The following TTLL1 variants were observed in gnomAD, a reference collection of about 807,000 sequenced individuals.
TTLL1 encodes the protein polyglutamylase complex subunit TTLL1.
In TTLL1, 33 loss-of-function variants were observed where a neutral mutation model predicts 47.8. The ratio of observed to expected loss-of-function variants is 0.69; its 90% CI spans 0.52 to 0.92. TTLL1 has a LOEUF of 0.92. Ranked by LOEUF, TTLL1 falls within the 40% of genes least tolerant of loss-of-function variation. The pLI is 0.00. For synonymous variants in TTLL1, 225 were observed against 214.1 expected (o/e 1.05, Z -0.45); for missense variants, 488 against 547.5 (o/e 0.89, Z 1.08).
chr22:43,066,183 A>G (rs1281725949), intron 5 of TTLL1, among the ~76,000 whole-genome samples: 1 of 151,766 alleles, frequency 6.6e-6, no homozygotes, highest in East Asian at 1.9e-4. Flanking sequence ...TTAAAAAAAA[A>G]ATCAAGCTAC....
At chr22:43,048,461 C>A (rs1213200365) in intron 9 of TTLL1, among the ~76,000 whole-genome samples, 6 of 133,614 alleles carry the variant, frequency 4.5e-5, no homozygotes, top group African/African-American at 1.7e-4. Flanking sequence ...ACAGCGAGAC[C>A]CCATCTCTAC....
At chr22:43,084,341 G>T (rs1228549913) in intron 1 of TTLL1, among the ~76,000 whole-genome samples, 1 of 151,758 alleles carries the variant, frequency 6.6e-6, no homozygotes, top group African/African-American at 2.4e-5. Flanking sequence ...GTAGAGGTGG[G>T]GTTTCACCAT....
intron 10 of TTLL1, chr22:43,040,150 GTTA>G: frequency 2.2e-6 from 1 of 461,986 alleles, no homozygotes; most frequent in Non-Finnish European, 3.9e-6. Context: ...CAACCTTGTT[GTTA>G]TTGTGGACAG....
chr22:43,064,089 G>A lies in TTLL1; in HGVS notation c.638+101C>T, dbSNP rs539082185. ...CAATCCCTGCCCCGTGCCAGGCACC[G>A]CACATGCACTGTTTTATGAAACCTC... On this transcript the variant is annotated intron_variant, in intron 6 of 10. Coordinates refer to ENST00000266254, the MANE Select transcript of TTLL1 (RefSeq NM_012263.5). 1.1e-4 allele frequency: 162 copies of A among 1,541,154 alleles called. No individual in the cohort carries two copies. The African/African-American group carries it at 2.1e-3, about 20-fold the overall frequency.
rs556385950 is a variant in TTLL1, at chr22:43,064,177, T to C, written c.638+13A>G. On this transcript the variant is annotated intron_variant, in intron 6 of 10. Transcript: ENST00000266254. Reference sequence around the variant, plus strand: ...CACAATCAAGAGGGAACCAAAACCTTAGGGACGCTTACATGTAACAGCGCA... The same window carrying C: ...CACAATCAAGAGGGAACCAAAACCTCAGGGACGCTTACATGTAACAGCGCA... 6 of 1,604,862 alleles carry C rather than the reference T, an allele frequency of 3.7e-6. No individual in the cohort carries two copies. Among genetic ancestry groups the C allele is most frequent in the East Asian group, 2.2e-5 (1 of 44,820 alleles).
chr22:43,051,925 TCGAAGGG>T, intron 8 of TTLL1, 38 bp from the exon 9 acceptor site: 1 of 1,601,988 alleles, frequency 6.2e-7, no homozygotes, highest in Non-Finnish European at 8.6e-7. Flanking sequence ...ATGGCCAGCA[TCGAAGGG>T]CGCAGCCGAG....
chr22:43,075,392 C>T, intron 3 of TTLL1, 82 bp downstream of exon 3: 1 of 1,167,336 alleles, frequency 8.6e-7, no homozygotes. Flanking sequence ...GGCTCTGAGG[C>T]CACTCTCTGG....
rs370124328 is a variant in TTLL1, at chr22:43,056,935, A to G, written c.891+2449T>C. Among the ~76,000 whole-genome samples the G allele has an allele frequency of 9.9e-5, 15 of 152,244 alleles. No homozygotes were observed. In the East Asian group the frequency reaches 2.5e-3, roughly 26 times the overall value. ...ACCCTTCTGACTAGCTGGGATCACA[A>G]GTATGTGCCACCACGCCCGGCTAAT... On this transcript the variant is annotated intron_variant, in intron 8 of 10. Transcript: ENST00000266254.
In TTLL1 at chr22:43,039,625, T is replaced by C; in HGVS notation, c.*151A>G. On this transcript the variant is annotated 3_prime_UTR_variant, in exon 11 of 11. Coordinates refer to ENST00000266254, the MANE Select transcript of TTLL1 (RefSeq NM_012263.5). The stretch of plus-strand genomic sequence containing the variant: ...CATGAATTGTTTCCTTTAGCACTAG[T>C]CAAACAGACTCCATAACCTTCCAAA... 1 of 961,542 alleles carries C rather than the reference T, an allele frequency of 1.0e-6. No homozygotes were observed. The highest frequency in any genetic ancestry group is 3.0e-5 in the East Asian group (1 of 33,102). The allele number at this position is 961,542 out of a possible 1,614,324, so 59.6% of individuals were successfully genotyped here.
At chr22:43,076,555 T>A (rs1169827817) in intron 2 of TTLL1, among the ~76,000 whole-genome samples, 2 of 151,614 alleles carry the variant, frequency 1.3e-5, no homozygotes, top group South Asian at 4.2e-4. Flanking sequence ...ATTGAGACCA[T>A]CCTGGCTAAC....
At chr22:43,081,345 G>A (rs371455067) in intron 1 of TTLL1, among the ~76,000 whole-genome samples, 2 of 152,200 alleles carry the variant, frequency 1.3e-5, no homozygotes, top group African/African-American at 2.4e-5. Context: ...AGTGCATGAC[G>A]GAGGGAGTGG....
At position 43,051,003 on chromosome 22, in the gene TTLL1, C is replaced by T. The variant is rs146612578; in HGVS notation, c.978+798G>A. 3.9e-5 allele frequency among the ~76,000 whole-genome samples: 6 copies of T among 152,348 alleles called. 2 individuals are homozygous for T. Among genetic ancestry groups the T allele is most frequent in the African/African-American group, 2.4e-5 (1 of 41,588 alleles). ...TCCCATGACTCTACCCATAGGGAAC[C>T]AGTCCCTACAACCTGCTATTGTGGA... On this transcript the variant is annotated intron_variant, in intron 9 of 10. Coordinates refer to ENST00000266254, the MANE Select transcript of TTLL1 (RefSeq NM_012263.5).
At chr22:43,051,360 A>G (rs1371131665) in intron 9 of TTLL1, among the ~76,000 whole-genome samples, 2 of 152,230 alleles carry the variant, frequency 1.3e-5, no homozygotes, top group Non-Finnish European at 2.9e-5. Context: ...TCCAAACTCT[A>G]CCTTCATATA....
rs763060644 is a variant in TTLL1 at position 43,059,456 on chromosome 22, G to A, written c.819C>T (p.Arg273=). The change falls in exon 8 of 11, where the codon CGC becomes CGT. Residue 273 remains arginine, a synonymous_variant. Coordinates refer to ENST00000266254, the MANE Select transcript of TTLL1 (RefSeq NM_012263.5). ...ACAGCTTGCTGGTCACCTCCTTGCCGCGGGTGCTCTCCAGGTAGAGCCGCA... is the reference window on the plus strand; with the variant it reads ...ACAGCTTGCTGGTCACCTCCTTGCCACGGGTGCTCTCCAGGTAGAGCCGCA... ...SNLRLYLEST[R]GKEVTSKLFD... 3.7e-5 allele frequency: 60 copies of A among 1,614,002 alleles called. No individual in the cohort carries two copies. Among genetic ancestry groups the A allele is most frequent in the East Asian group, 2.5e-4 (11 of 44,866 alleles).
chr22:43,088,138 C>T lies in TTLL1; in HGVS notation c.-90+1139G>A, dbSNP rs577121222. Among the ~76,000 whole-genome samples the T allele has an allele frequency of 9.2e-5, 14 of 151,568 alleles. No homozygotes were observed. The East Asian group carries it at 1.2e-3, about 13-fold the overall frequency. Reference sequence around the variant, plus strand: ...CAGCCTGGGCAACAAAGCAAGACTCCGTCTAAAAATAAATAAATAAATAAA... The same window carrying T: ...CAGCCTGGGCAACAAAGCAAGACTCTGTCTAAAAATAAATAAATAAATAAA... On this transcript the variant is annotated intron_variant, in intron 1 of 10. Transcript: ENST00000266254.
At chr22:43,051,238 C>T (rs993008342) in intron 9 of TTLL1, among the ~76,000 whole-genome samples, 2 of 152,258 alleles carry the variant, frequency 1.3e-5, no homozygotes, top group African/African-American at 4.8e-5. Flanking sequence ...AGCGCGCCAG[C>T]GCCCACTGTG....
chr22:43,046,513 G>C lies in TTLL1; in HGVS notation c.1039C>G (p.Leu347Val), dbSNP rs144441232. The C allele has an allele frequency of 4.5e-5, 72 of 1,614,014 alleles. No individual in the cohort carries two copies. Among genetic ancestry groups the C allele is most frequent in the Admixed American group, 5.0e-5 (3 of 59,960 alleles). The stretch of plus-strand genomic sequence containing the variant: ...GCGATGTTGAGGGTGTCATTAATCA[G>C]GTTGTACTTGAGGATTCGGTCATTG... Reference protein sequence around the residue: ...TANDRILKYNLINDTLNIAVP... With the variant: ...TANDRILKYNVINDTLNIAVP... Residue 347 changes from leucine to valine, a missense_variant, in exon 10 of 11, where the codon CTG becomes GTG. Leu to Val is a conservative substitution (Grantham distance 32). Transcript: ENST00000266254.
At chr22:43,085,901 G>C (rs1162626180) in intron 1 of TTLL1, among the ~76,000 whole-genome samples, 1 of 152,140 alleles carries the variant, frequency 6.6e-6, no homozygotes, top group Non-Finnish European at 1.5e-5. Flanking sequence ...CTCAGGAGCG[G>C]GCTGGCTCAG....
rs938890969 is a variant in TTLL1 at position 43,060,911 on chromosome 22, A to G, written c.748-1384T>C. ...AGGAGAATTAACCATATTTTAAAAGAAAGTCCAGGCGCGGTGGCTCACGCC... is the reference window on the plus strand; with the variant it reads ...AGGAGAATTAACCATATTTTAAAAGGAAGTCCAGGCGCGGTGGCTCACGCC... On this transcript the variant is annotated intron_variant, in intron 7 of 10. Transcript: ENST00000266254. Among the ~76,000 whole-genome samples the G allele has an allele frequency of 6.6e-5, 10 of 152,266 alleles. No homozygotes were observed. In the East Asian group the frequency reaches 1.7e-3, roughly 26 times the overall value.
Sources: gnomAD v4.1 joint callset for allele counts (sites outside exome capture counted in the v4.1 genomes callset) on GRCh38, gnomAD v4.1.1 for gene constraint, MANE v1.5 for transcripts, NCBI Gene and HGNC (gene_info 2026-07-23, HGNC 2026-07-21) for gene names.